MGAT4C: variants seen among roughly 807,000 people sequenced by gnomAD.
MGAT4C encodes the protein MGAT4 family member C.
MGAT4C carries 19 observed loss-of-function variants against 40.1 expected under a neutral mutation model. That is an observed-to-expected ratio of 0.47 (90% CI 0.33 to 0.70). The LOEUF is 0.70. MGAT4C is among the 30% of genes least tolerant of loss of function. MGAT4C has a pLI of 0.02. For missense variants in MGAT4C, 491 were observed against 563.2 expected, an observed-to-expected ratio of 0.87 and a Z score of 1.30; for synonymous variants, 181 against 187.1, an observed-to-expected ratio of 0.97 and a Z score of 0.27.
At chr12:86,202,016 AG>A (rs67979505) in intron 1 of MGAT4C, among the ~76,000 whole-genome samples, 115,400 of 151,872 alleles carry the variant, frequency 0.76, 44,317 homozygotes, top group Middle Eastern at 0.83. Flanking sequence ...TTGAAAAAAA[AG>A]TTATTACATT....
intron 1 of MGAT4C, among the ~76,000 whole-genome samples, chr12:86,761,692 T>C (rs1230082186): frequency 6.6e-6 from 1 of 152,150 alleles, no homozygotes; most frequent in Admixed American, 6.5e-5. Flanking sequence ...TGGTAACTTC[T>C]AGTGGCCACC....
At chr12:86,118,916 T>C (rs1341188886) in intron 1 of MGAT4C, among the ~76,000 whole-genome samples, 1 of 152,130 alleles carries the variant, frequency 6.6e-6, no homozygotes, top group Non-Finnish European at 1.5e-5. Context: ...AGATTCAAAA[T>C]GATAATTTAT....
intron 2 of MGAT4C, among the ~76,000 whole-genome samples, chr12:86,524,590 T>C (rs570331014): frequency 6.6e-6 from 1 of 152,196 alleles, no homozygotes; most frequent in African/African-American, 2.4e-5. Flanking sequence ...TTCTCTGGAT[T>C]TTCTGAATTT....
chr12:86,220,289 C>A (rs1950831045), intron 1 of MGAT4C, among the ~76,000 whole-genome samples: 1 of 152,042 alleles, frequency 6.6e-6, no homozygotes, highest in African/African-American at 2.4e-5. Flanking sequence ...TGTCCCCTTT[C>A]CTTTTTCTCC....
At chr12:86,600,926 C>A (rs1406073387) in intron 2 of MGAT4C, among the ~76,000 whole-genome samples, 3 of 152,246 alleles carry the variant, frequency 2.0e-5, no homozygotes, top group Non-Finnish European at 2.9e-5. Context: ...GCCTGCTCTG[C>A]AGTGGAGCAA....
At chr12:86,089,517 A>G (rs910573202) in intron 1 of MGAT4C, among the ~76,000 whole-genome samples, 1 of 151,774 alleles carries the variant, frequency 6.6e-6, no homozygotes, top group Non-Finnish European at 1.5e-5. Flanking sequence ...AATGCTCAGG[A>G]AAACATCTTA....
intron 1 of MGAT4C, among the ~76,000 whole-genome samples, chr12:86,212,480 TTTTG>T (rs1333813697): frequency 1.3e-5 from 2 of 152,154 alleles, no homozygotes; most frequent in Non-Finnish European, 2.9e-5. Context: ...TAATAATTGT[TTTTG>T]TTTATTGGGT....
chr12:86,005,663 A>G (rs1887800240), intron 2 of MGAT4C, among the ~76,000 whole-genome samples: 1 of 152,308 alleles, frequency 6.6e-6, no homozygotes, highest in African/African-American at 2.4e-5. Context: ...CCAGAAGTGA[A>G]GTCTGATGGC....
chr12:86,422,291 T>C (rs753965256), intron 3 of MGAT4C, among the ~76,000 whole-genome samples: 8 of 152,354 alleles, frequency 5.3e-5, no homozygotes, highest in Middle Eastern at 3.4e-3. Flanking sequence ...TCAGCAGATA[T>C]ATAGCCGCTG....
At chr12:86,031,887 T>C (rs1442360542) in intron 2 of MGAT4C, among the ~76,000 whole-genome samples, 1 of 151,820 alleles carries the variant, frequency 6.6e-6, no homozygotes, top group Non-Finnish European at 1.5e-5. Context: ...TAGTACCTGA[T>C]AGGTAGTTTT....
intron 2 of MGAT4C, among the ~76,000 whole-genome samples, chr12:86,628,989 T>C (rs925332532): frequency 6.6e-6 from 1 of 151,928 alleles, no homozygotes; most frequent in East Asian, 1.9e-4. Context: ...GCGCTATTAG[T>C]GCGCTGTATT....
intron 2 of MGAT4C, among the ~76,000 whole-genome samples, chr12:86,613,326 T>C (rs1047564920): frequency 6.6e-6 from 1 of 152,168 alleles, no homozygotes; most frequent in Admixed American, 6.5e-5. Context: ...ACAAGAAAAA[T>C]TACACTTGTA....
At chr12:86,212,721 T>C (rs1234327317) in intron 1 of MGAT4C, among the ~76,000 whole-genome samples, 1 of 57,534 alleles carries the variant, frequency 1.7e-5, no homozygotes, top group Non-Finnish European at 4.0e-5. Flanking sequence ...ACCCCGTCTC[T>C]ACTAAAAAAA....
At chr12:86,322,889 T>G (rs1265085209) in intron 4 of MGAT4C, among the ~76,000 whole-genome samples, 2 of 152,144 alleles carry the variant, frequency 1.3e-5, no homozygotes, top group East Asian at 3.8e-4. Context: ...CTTCAGTTTC[T>G]GTATACATTG....
intron 4 of MGAT4C, among the ~76,000 whole-genome samples, chr12:86,320,752 T>A: frequency 6.6e-6 from 1 of 152,148 alleles, no homozygotes; most frequent in East Asian, 1.9e-4. Context: ...ACAACTGGGT[T>A]ATGATTTATC....
At chr12:86,361,594 A>G (rs1019353374) in intron 3 of MGAT4C, among the ~76,000 whole-genome samples, 22 of 152,232 alleles carry the variant, frequency 1.4e-4, no homozygotes, top group Non-Finnish European at 2.6e-4. Flanking sequence ...CCATCTGACA[A>G]AGGGCTAAAT....
At chr12:86,562,837 G>T (rs1592989102) in intron 2 of MGAT4C, among the ~76,000 whole-genome samples, 2 of 152,244 alleles carry the variant, frequency 1.3e-5, no homozygotes, top group East Asian at 3.9e-4. Context: ...GCATCAAATT[G>T]AATTTATTGA....
Position 86,776,407 on chromosome 12 carries a change from T to C in MGAT4C, c.-261-49166A>G, listed in dbSNP as rs1951749596. 2.0e-5 allele frequency among the ~76,000 whole-genome samples: 3 copies of C among 152,062 alleles called. No individual in the cohort carries two copies. In the South Asian group the frequency reaches 6.2e-4, roughly 31 times the overall value. ...GCTTAAATTTGTATAAATGTTTCCATGTATGAGGTTAATTGTAAGTTGATA... is the reference window on the plus strand; with the variant it reads ...GCTTAAATTTGTATAAATGTTTCCACGTATGAGGTTAATTGTAAGTTGATA... On this transcript the variant is annotated intron_variant, in intron 1 of 7. Transcript: ENST00000548651.
intron 1 of MGAT4C, among the ~76,000 whole-genome samples, chr12:86,224,971 A>C (rs989399942): frequency 6.6e-6 from 1 of 152,132 alleles, no homozygotes; most frequent in Non-Finnish European, 1.5e-5. Context: ...GAGAATTAAA[A>C]AATAATACAA....
Sources: gnomAD v4.1 joint callset for allele counts (sites outside exome capture counted in the v4.1 genomes callset) on GRCh38, gnomAD v4.1.1 for gene constraint, MANE v1.5 for transcripts, NCBI Gene and HGNC (gene_info 2026-07-23, HGNC 2026-07-21) for gene names.